The following AKT1 variants were observed in gnomAD, a reference collection of about 807,000 sequenced individuals.
AKT1 encodes the protein AKT serine/threonine kinase 1.
A neutral mutation model predicts 63.1 loss-of-function variants in AKT1; 21 were observed. That is an observed-to-expected ratio of 0.33 (90% CI 0.24 to 0.48). The LOEUF (loss-of-function observed/expected upper bound fraction) is 0.48, where lower values mean the gene tolerates loss of function less well. AKT1 is among the 20% of genes least tolerant of loss of function. The pLI is 0.99. For missense variants in AKT1, 382 were observed against 666.0 expected, an observed-to-expected ratio of 0.57 and a Z score of 4.69; for synonymous variants, 257 against 253.1, an observed-to-expected ratio of 1.02 and a Z score of -0.15.
chr14:104,775,482 G>GA, intron 6 of AKT1, 170 bp downstream of exon 6: 1 of 1,108,926 alleles, frequency 9.0e-7, no homozygotes, highest in Non-Finnish European at 1.3e-6. Context: ...CTGACATGGG[G>GA]AAGAGGACCC....
intron 3 of AKT1, among the ~76,000 whole-genome samples, chr14:104,791,233 A>G (rs1893610616): frequency 6.6e-6 from 1 of 152,170 alleles, no homozygotes; most frequent in South Asian, 2.1e-4. Context: ...TATGTGACAC[A>G]GAGAGGAACA....
chr14:104,770,936 G>C, intron 13 of AKT1, 89 bp from the exon 14 acceptor site: 1 of 1,150,658 alleles, frequency 8.7e-7, no homozygotes, highest in South Asian at 1.3e-5. Flanking sequence ...CAAAGCACCT[G>C]GATCTCCAAG....
intron 3 of AKT1, among the ~76,000 whole-genome samples, chr14:104,788,626 G>A (rs565326446): frequency 2.6e-5 from 4 of 152,180 alleles, no homozygotes; most frequent in Non-Finnish European, 5.9e-5. Flanking sequence ...TCACCAAAGC[G>A]AAGTAACACA....
At position 104,772,540 on chromosome 14, in the gene AKT1, C is replaced by T. The variant is rs539942849; in HGVS notation, c.1173-88G>A. ...CCCCTTCCTCCTGTGATGTAGGGCC[C>T]GCCAGACAGGACGTTCCGGGGCCAG... is the stretch of plus-strand genomic sequence containing the variant. On this transcript the variant is annotated intron_variant, in intron 12 of 14. Transcript: ENST00000649815. The T allele has an allele frequency of 6.1e-5, 83 of 1,351,600 alleles. No individual in the cohort carries two copies. The African/African-American group carries it at 9.3e-4, about 15-fold the overall frequency. The allele number at this position is 1,351,600 out of a possible 1,614,324, so 83.7% of individuals were successfully genotyped here.
At position 104,780,333 on chromosome 14, in the gene AKT1, G is replaced by C. The variant is rs1595251685; in HGVS notation, c.47-117C>G. The C allele has an allele frequency of 7.0e-6, 10 of 1,428,840 alleles. No individual in the cohort carries two copies. The East Asian group carries it at 2.2e-4, about 32-fold the overall frequency. The allele number at this position is 1,428,840 out of a possible 1,614,324, so 88.5% of individuals were successfully genotyped here. ...TGTGCCTGGGATGCCTGAGTCCCAG[G>C]GGGCAGGCGCGGTACGGGAGCTGTT... is the stretch of plus-strand genomic sequence containing the variant. On this transcript the variant is annotated intron_variant, in intron 3 of 14. Coordinates refer to ENST00000649815, the MANE Select transcript of AKT1 (RefSeq NM_001382430.1).
intron 1 of AKT1, chr14:104,793,630 G>A (rs947566612): frequency 1.2e-5 from 2 of 170,638 alleles, no homozygotes; most frequent in Non-Finnish European, 2.5e-5. Flanking sequence ...AAGTAAGTGG[G>A]GGAGCACTGG....
At chr14:104,776,018 G>A (rs112884698) in intron 5 of AKT1, 1 of 539,842 alleles carries the variant, frequency 1.9e-6, no homozygotes, top group Non-Finnish European at 3.2e-6. Flanking sequence ...CCCCCCAGCA[G>A]GACTCTGTCC....
chr14:104,781,515 T>C (rs1198597987), intron 3 of AKT1, among the ~76,000 whole-genome samples: 1 of 152,122 alleles, frequency 6.6e-6, no homozygotes, highest in African/African-American at 2.4e-5. Context: ...GGCATTCTAC[T>C]TTCCAGGGAG....
chr14:104,790,389 C>T lies in AKT1; in HGVS notation c.46+2209G>A, dbSNP rs914899216. Among the ~76,000 whole-genome samples the T allele has an allele frequency of 5.3e-5, 8 of 152,142 alleles. No homozygotes were observed. The East Asian group carries it at 7.7e-4, about 15-fold the overall frequency. The stretch of plus-strand genomic sequence containing the variant: ...AGCCAGGCCTGAGCACTGTGAAGCA[C>T]GGGTGGGGTCAGCCCAGCACAGCCC... On this transcript the variant is annotated intron_variant, in intron 3 of 14. Transcript: ENST00000649815.
chr14:104,783,614 C>T (rs937326840), intron 3 of AKT1, among the ~76,000 whole-genome samples: 6 of 151,700 alleles, frequency 4.0e-5, no homozygotes, highest in Non-Finnish European at 8.8e-5. Context: ...TCACTCCAGA[C>T]GGGTACAGGC....
rs529348439 is a variant in AKT1, at chr14:104,772,869, G to T, written c.1172+9C>A. 3 of 1,603,410 alleles carry T rather than the reference G, an allele frequency of 1.9e-6. No homozygotes were observed. The highest frequency in any genetic ancestry group is 2.5e-6 in the Non-Finnish European group (3 of 1,177,460). On this transcript the variant is annotated intron_variant, in intron 12 of 14. Coordinates refer to ENST00000649815, the MANE Select transcript of AKT1 (RefSeq NM_001382430.1). ...GGTGTAGCCTGTAGCTGGGATGGGC[G>T]GCCCTCACCTCTGCTTGGGGTCCTT...
intron 4 of AKT1, among the ~76,000 whole-genome samples, chr14:104,779,832 T>C (rs1183058258): frequency 5.8e-5 from 8 of 138,330 alleles, no homozygotes; most frequent in South Asian, 2.4e-4. Context: ...CAGAGACCCC[T>C]GCCCAGCCAG....
In AKT1 at chr14:104,793,196, GCCTTC is replaced by G. The variant is rs1482123616; in HGVS notation, c.-154_-150del. ...GACTTCTTTGACCCAGGCTGGCTCG[GCCTTC>G]CCTAAGCCCCTGGTGACAGATGGCC... On this transcript the variant is annotated 5_prime_UTR_variant, in exon 2 of 15. Transcript: ENST00000649815. 1 of 188,540 alleles carries G rather than the reference GCCTTC, an allele frequency of 5.3e-6. No homozygotes were observed. Among genetic ancestry groups the G allele is most frequent in the African/African-American group, 2.3e-5 (1 of 42,644 alleles). The allele number at this position is 188,540 out of a possible 1,614,324, so 11.7% of individuals were successfully genotyped here.
intron 3 of AKT1, among the ~76,000 whole-genome samples, chr14:104,782,534 G>A (rs1453581389): frequency 2.0e-5 from 3 of 152,322 alleles, no homozygotes; most frequent in African/African-American, 7.2e-5. Flanking sequence ...TGCGGGAGGG[G>A]CAGGCCCAGG....
chr14:104,780,479 C>T (rs896137841), intron 3 of AKT1, among the ~76,000 whole-genome samples: 5 of 152,186 alleles, frequency 3.3e-5, no homozygotes, highest in Admixed American at 6.5e-5. Flanking sequence ...GCCAGCTGGA[C>T]GCAGGGGATG....
rs536727818 is a variant in AKT1, at chr14:104,773,108, A to T, written c.958-16T>A. The T allele has an allele frequency of 6.2e-7, 1 of 1,613,572 alleles. No individual in the cohort carries two copies. Among genetic ancestry groups the T allele is most frequent in the South Asian group, 1.1e-5 (1 of 91,082 alleles). On this transcript the variant is annotated splice_polypyrimidine_tract_variant and intron_variant, in intron 11 of 14. Transcript: ENST00000649815. ...CCTCCAGCACCTGCACGGGTGGCAG[A>T]TGGGCAGGACTCGGCATCAAGGGGT... is the stretch of plus-strand genomic sequence containing the variant.
intron 4 of AKT1, chr14:104,777,285 GCCACACCTGGGGCAC>G (rs1892776984): frequency 5.4e-6 from 1 of 186,842 alleles, no homozygotes; most frequent in South Asian, 6.4e-5. Flanking sequence ...CTGGGGCACA[GCCACACCTGGGGCAC>G]AGGCACACCT....
chr14:104,773,821 A>G, intron 9 of AKT1, 91 bp downstream of exon 9: 3 of 1,376,014 alleles, frequency 2.2e-6, no homozygotes, highest in Non-Finnish European at 3.0e-6. Context: ...GTCTGGTGCC[A>G]TGGAGAGTAG....
rs369745846 is a variant in AKT1 at position 104,784,787 on chromosome 14, G to C, written c.47-4571C>G. 2.2e-4 allele frequency among the ~76,000 whole-genome samples: 33 copies of C among 152,286 alleles called. No homozygotes were observed. The East Asian group carries it at 6.2e-3, about 29-fold the overall frequency. On this transcript the variant is annotated intron_variant, in intron 3 of 14. Coordinates refer to ENST00000649815, the MANE Select transcript of AKT1 (RefSeq NM_001382430.1). The stretch of plus-strand genomic sequence containing the variant: ...AAGCGGCACCCACTTAGACATGGGG[G>C]CCAGGACCCACGCGCCATGGGCAGG...
Sources: allele counts gnomAD v4.1 joint callset (sites outside exome capture counted in the v4.1 genomes callset), GRCh38; gene constraint gnomAD v4.1.1; transcripts MANE v1.5; gene names NCBI Gene and HGNC (gene_info 2026-07-23, HGNC 2026-07-21).